Variants in SYCP2 observed in about 807,000 individuals in gnomAD.
SYCP2 encodes synaptonemal complex lateral element protein.
SYCP2 carries 55 observed loss-of-function variants against 211.3 expected under a neutral mutation model. That is an observed-to-expected ratio of 0.26 (90% confidence interval 0.21 to 0.33). The LOEUF is 0.33. Ranked by LOEUF, SYCP2 falls within the 10% of genes least tolerant of loss-of-function variation. SYCP2 has a pLI of 1.00. For synonymous variants in SYCP2, 570 were observed against 555.2 expected (o/e 1.03, Z -0.37); for missense variants, 1,731 against 1,752.0 (o/e 0.99, Z 0.21).
At chr20:59,890,547 TAAATA>T (rs1418159535) in intron 24 of SYCP2, among the ~76,000 whole-genome samples, 2 of 151,660 alleles carry the variant, frequency 1.3e-5, no homozygotes, top group Non-Finnish European at 2.9e-5. Flanking sequence ...TAAAGTATAA[TAAATA>T]AATAAATAGG....
Position 59,922,449 on chromosome 20 carries a change from AAAAT to A in SYCP2, c.-40_-37del, listed in dbSNP as rs759378749. ...TTTAAAAAAAAAAAAAAAGCAAGAC[AAAAT>A]AAACACCTATAAAAGAAAACATATA... On this transcript the variant is annotated 5_prime_UTR_variant, in exon 3 of 45. Coordinates refer to ENST00000357552, the MANE Select transcript of SYCP2 (RefSeq NM_014258.4). 7.0e-7 allele frequency: 1 copy of A among 1,423,888 alleles called. No individual in the cohort carries two copies. The highest frequency in any genetic ancestry group is 2.2e-5 in the Admixed American group (1 of 46,484). The allele number at this position is 1,423,888 out of a possible 1,614,324, so 88.2% of individuals were successfully genotyped here.
chr20:59,922,260 A>G (rs1171100292), intron 3 of SYCP2, 130 bp downstream of exon 3: 1 of 758,358 alleles, frequency 1.3e-6, no homozygotes, highest in Non-Finnish European at 2.1e-6. Flanking sequence ...CTTTATTTAA[A>G]CTATTCTTGA....
intron 33 of SYCP2, among the ~76,000 whole-genome samples, chr20:59,876,968 T>G (rs80119489): frequency 0.02 from 3,038 of 152,256 alleles, 43 homozygotes; most frequent in Middle Eastern, 0.041. Context: ...CTGGGAATGT[T>G]TCTGGACATT....
chr20:59,892,431 T>G lies in SYCP2; in HGVS notation c.1928-5A>C. Reference sequence around the variant, plus strand: ...GTTTTTTATTTATAACAATATCTATTGGGGAAAATGAGAAATTAATTCTTT... The same window carrying G: ...GTTTTTTATTTATAACAATATCTATGGGGGAAAATGAGAAATTAATTCTTT... On this transcript the variant is annotated splice_polypyrimidine_tract_variant and splice_region_variant and intron_variant, in intron 23 of 44. Transcript: ENST00000357552. 6.8e-7 allele frequency: 1 copy of G among 1,476,980 alleles called. No individual in the cohort carries two copies. Among genetic ancestry groups the G allele is most frequent in the East Asian group, 2.3e-5 (1 of 42,672 alleles). 91.5% of individuals were successfully genotyped at this position (1,476,980 alleles called of 1,614,324 possible).
chr20:59,890,184 C>A (rs190497185), intron 24 of SYCP2, among the ~76,000 whole-genome samples: 11 of 151,912 alleles, frequency 7.2e-5, no homozygotes, highest in African/African-American at 2.2e-4. Context: ...ATAAAGAAAA[C>A]GTGGCATTAT....
Position 59,895,613 on chromosome 20 carries a change from A to C in SYCP2, c.1505-16T>G, listed in dbSNP as rs763505825. 6.2e-7 allele frequency: 1 copy of C among 1,605,768 alleles called. No individual in the cohort carries two copies. Among genetic ancestry groups the C allele is most frequent in the South Asian group, 1.1e-5 (1 of 89,890 alleles). On this transcript the variant is annotated splice_polypyrimidine_tract_variant and intron_variant, in intron 19 of 44. Transcript: ENST00000357552. ...GGTGGTATTGCTAAAAAGGAGGACA[A>C]GGATTGCAGATTTTTCTTTTTTTAC...
intron 14 of SYCP2, among the ~76,000 whole-genome samples, chr20:59,908,398 C>T (rs1161727650): frequency 6.6e-6 from 1 of 152,112 alleles, no homozygotes; most frequent in Non-Finnish European, 1.5e-5. Flanking sequence ...ACCAGTCACA[C>T]CCTGATGACA....
At chr20:59,898,369 T>G (rs1282945337) in intron 18 of SYCP2, among the ~76,000 whole-genome samples, 1 of 152,130 alleles carries the variant, frequency 6.6e-6, no homozygotes, top group South Asian at 2.1e-4. Context: ...CACATATACA[T>G]CATGGAATAC....
In SYCP2 at chr20:59,864,391, A is replaced by G. The variant is rs563242864; in HGVS notation, c.4516-3T>C. On this transcript the variant is annotated splice_polypyrimidine_tract_variant and splice_region_variant and intron_variant, in intron 44 of 44. Coordinates refer to ENST00000357552, the MANE Select transcript of SYCP2 (RefSeq NM_014258.4). ...ACATTAAGAAGCTCCTCTTCTAGCT[A>G]TAGCCAAGAAAAAAAAAATCACACT... 1.3e-6 allele frequency: 2 copies of G among 1,580,374 alleles called. No homozygotes were observed. The highest frequency in any genetic ancestry group is 3.7e-5 in the Admixed American group (2 of 53,644).
chr20:59,909,573 A>C (rs1253172736), intron 14 of SYCP2, among the ~76,000 whole-genome samples: 2 of 152,236 alleles, frequency 1.3e-5, no homozygotes, highest in African/African-American at 4.8e-5. Flanking sequence ...TGCCTAGTAC[A>C]TACGTGACAC....
At chr20:59,865,937 A>AT in intron 41 of SYCP2, 72 bp from the exon 42 acceptor site, 1 of 653,760 alleles carries the variant, frequency 1.5e-6, no homozygotes, top group East Asian at 3.2e-5. Flanking sequence ...TTAAACTTTA[A>AT]TATGATTAAA....
intron 44 of SYCP2, among the ~76,000 whole-genome samples, chr20:59,864,779 GTTC>G (rs2059297158): frequency 6.6e-6 from 1 of 151,982 alleles, no homozygotes; most frequent in African/African-American, 2.4e-5. Context: ...GCATATTGAG[GTTC>G]TATCTTTGTA....
chr20:59,891,452 A>C (rs1405106509), intron 24 of SYCP2, among the ~76,000 whole-genome samples: 3 of 151,972 alleles, frequency 2.0e-5, no homozygotes, highest in Non-Finnish European at 4.4e-5. Context: ...GAGCTCTAAT[A>C]ATGATGAGTA....
intron 14 of SYCP2, among the ~76,000 whole-genome samples, chr20:59,908,712 C>CAG (rs1480568964): frequency 6.6e-6 from 1 of 152,092 alleles, no homozygotes; most frequent in East Asian, 1.9e-4. Flanking sequence ...TGCCCTTACC[C>CAG]AGATTCAACA....
intron 7 of SYCP2, among the ~76,000 whole-genome samples, chr20:59,916,774 T>C (rs1441760686): frequency 6.6e-6 from 1 of 151,804 alleles, no homozygotes; most frequent in Non-Finnish European, 1.5e-5. Context: ...ATCCTGTCTG[T>C]ACAAAAATTA....
Position 59,892,608 on chromosome 20 carries a change from G to A in SYCP2, c.1887C>T (p.Asn629=), listed in dbSNP as rs182599987. Residue 629 remains asparagine (N), a synonymous_variant, in exon 23 of 45, where the codon AAC becomes AAT. Coordinates refer to ENST00000357552, the MANE Select transcript of SYCP2 (RefSeq NM_014258.4). ...CTCCTGACGAAGTACTTGCTCTTTGGTTATTACATAGTTCAATGTTTGTTA... is the reference window on the plus strand; with the variant it reads ...CTCCTGACGAAGTACTTGCTCTTTGATTATTACATAGTTCAATGTTTGTTA... ...TPVTNIELCN[N]QRASTSSGDT... 6.2e-6 allele frequency: 10 copies of A among 1,609,802 alleles called. No homozygotes were observed. The highest frequency in any genetic ancestry group is 1.7e-5 in the Admixed American group (1 of 59,390).
At chr20:59,895,707 G>A (rs1859187285) in intron 19 of SYCP2, 110 bp from the exon 20 acceptor site, 3 of 1,281,228 alleles carry the variant, frequency 2.3e-6, no homozygotes, top group South Asian at 1.3e-5. Context: ...ATGGTTCCCA[G>A]GTTTCTGGCT....
At chr20:59,910,890 C>G (rs1039347608) in intron 14 of SYCP2, among the ~76,000 whole-genome samples, 2 of 151,884 alleles carry the variant, frequency 1.3e-5, no homozygotes, top group Non-Finnish European at 2.9e-5. Flanking sequence ...CCCTGAGAAG[C>G]AGTGCTAGTC....
chr20:59,932,581 G>A (rs1203626326), intron 1 of SYCP2, among the ~76,000 whole-genome samples: 11 of 152,102 alleles, frequency 7.2e-5, no homozygotes, highest in Admixed American at 2.6e-4. Flanking sequence ...GGCTGAAGCA[G>A]GAGAATCGCT....
Sources: gnomAD v4.1 joint callset for allele counts (sites outside exome capture counted in the v4.1 genomes callset) on GRCh38, gnomAD v4.1.1 for gene constraint, MANE v1.5 for transcripts, NCBI Gene and HGNC (gene_info 2026-07-23, HGNC 2026-07-21) for gene names.